MTFMT: variants seen among roughly 807,000 people sequenced by gnomAD.
MTFMT encodes the protein methionyl-tRNA formyltransferase, mitochondrial.
Under a neutral mutation model 51.8 loss-of-function variants are expected in MTFMT, and 47 were observed. That is an observed-to-expected ratio of 0.91 (90% confidence interval 0.72 to 1.16). The LOEUF (loss-of-function observed/expected upper bound fraction) is 1.16. Ranked by LOEUF, MTFMT falls within the 50% of genes most tolerant of loss-of-function variation. The pLI, the probability that MTFMT is intolerant of heterozygous loss-of-function variation, is 0.00. For synonymous variants in MTFMT, 196 were observed against 176.7 expected (o/e 1.11, Z -0.87); for missense variants, 512 against 482.3 (o/e 1.06, Z -0.58).
intron 4 of MTFMT, 68 bp from the exon 5 acceptor site, chr15:65,020,340 A>T: frequency 8.0e-7 from 1 of 1,257,590 alleles, no homozygotes; most frequent in African/African-American, 1.5e-5. Flanking sequence ...GAAACACATT[A>T]CAATTCAGCA....
intron 8 of MTFMT, among the ~76,000 whole-genome samples, chr15:65,004,427 A>T (rs1217737538): frequency 6.6e-6 from 1 of 152,200 alleles, no homozygotes; most frequent in African/African-American, 2.4e-5. Context: ...CTTATAAAAC[A>T]ATAATGATTC....
intron 6 of MTFMT, among the ~76,000 whole-genome samples, chr15:65,015,258 CCTGATGCCATT>C (rs2086310135): frequency 6.6e-6 from 1 of 152,058 alleles, no homozygotes; most frequent in African/African-American, 2.4e-5. Context: ...GTCCTTGTTT[CCTGATGCCATT>C]CTGTGGCAGC....
chr15:65,022,944 C>G (rs564178971), intron 3 of MTFMT, among the ~76,000 whole-genome samples: 19 of 152,172 alleles, frequency 1.2e-4, no homozygotes, highest in African/African-American at 4.3e-4. Context: ...CCCACCTCGG[C>G]CTCCCAAAGT....
chr15:65,028,139 G>A (rs73473246), intron 1 of MTFMT, among the ~76,000 whole-genome samples: 10,364 of 152,152 alleles, frequency 0.068, 852 homozygotes, highest in African/African-American at 0.2. Context: ...ATCAGGATAG[G>A]CCAGGAATGA....
chr15:65,012,858 T>G (rs2086282604), intron 6 of MTFMT, among the ~76,000 whole-genome samples: 1 of 152,204 alleles, frequency 6.6e-6, no homozygotes, highest in South Asian at 2.1e-4. Flanking sequence ...GTATACATTT[T>G]AGGAGCAGCT....
At chr15:65,003,514 TATAA>T (rs1405914730) in intron 8 of MTFMT, among the ~76,000 whole-genome samples, 4 of 152,118 alleles carry the variant, frequency 2.6e-5, no homozygotes, top group African/African-American at 9.7e-5. Context: ...TATAGATCTG[TATAA>T]ATATTTAAAT....
At chr15:65,006,266 G>T in intron 6 of MTFMT, 75 bp from the exon 7 acceptor site, 3 of 1,146,872 alleles carry the variant, frequency 2.6e-6, no homozygotes, top group Non-Finnish European at 3.8e-6. Flanking sequence ...ACTATTTTGT[G>T]TTAATCTGGA....
At chr15:65,004,263 C>T (rs1055663544) in intron 8 of MTFMT, among the ~76,000 whole-genome samples, 6 of 151,992 alleles carry the variant, frequency 3.9e-5, no homozygotes, top group African/African-American at 1.5e-4. Flanking sequence ...GTGATCCACC[C>T]GCCTCAGCCT....
intron 6 of MTFMT, among the ~76,000 whole-genome samples, chr15:65,008,096 C>T (rs2086233853): frequency 1.3e-5 from 2 of 151,976 alleles, no homozygotes; most frequent in African/African-American, 4.8e-5. Flanking sequence ...ATCCTTGATC[C>T]ATCTATATTT....
chr15:65,029,190 G>A, intron 1 of MTFMT: 1 of 854,172 alleles, frequency 1.2e-6, no homozygotes, highest in Non-Finnish European at 1.4e-6. Context: ...AGGCGGCGGG[G>A]AGTGAGGGGC....
intron 6 of MTFMT, among the ~76,000 whole-genome samples, chr15:65,007,112 G>A (rs910940904): frequency 1.7e-4 from 26 of 152,266 alleles, no homozygotes; most frequent in African/African-American, 6.0e-4. Context: ...GCCTTATGCA[G>A]GGGAAGAGCC....
Position 65,020,282 on chromosome 15 carries a change from A to C in MTFMT, c.646-10T>G, listed in dbSNP as rs754292264. ...TCAAAACTGAAATGAGCTACAAAAAAAAAAAAAAGAGTGTGATATATTCAA... is the reference window on the plus strand; with the variant it reads ...TCAAAACTGAAATGAGCTACAAAAACAAAAAAAAGAGTGTGATATATTCAA... On this transcript the variant is annotated splice_polypyrimidine_tract_variant and intron_variant, in intron 4 of 8. Transcript: ENST00000220058. 6.2e-7 allele frequency: 1 copy of C among 1,608,518 alleles called. No individual in the cohort carries two copies. The highest frequency in any genetic ancestry group is 2.2e-5 in the East Asian group (1 of 44,854).
intron 1 of MTFMT, 131 bp downstream of exon 1, chr15:65,029,274 G>A: frequency 7.8e-7 from 1 of 1,289,280 alleles, no homozygotes; most frequent in Non-Finnish European, 9.8e-7. Flanking sequence ...AGAAGACGCC[G>A]AGATCTGGGC....
chr15:65,008,686 G>T (rs886767615), intron 6 of MTFMT, among the ~76,000 whole-genome samples: 30 of 152,182 alleles, frequency 2.0e-4, no homozygotes, highest in African/African-American at 5.8e-4. Flanking sequence ...ATAAGTAAAT[G>T]AATTTGAAGA....
chr15:65,024,794 T>C (rs1412395971), intron 2 of MTFMT, among the ~76,000 whole-genome samples: 1 of 152,096 alleles, frequency 6.6e-6, no homozygotes, highest in Non-Finnish European at 1.5e-5. Context: ...TGCTGAGGGC[T>C]ATGGAGAAAA....
chr15:65,024,988 C>T (rs912110696), intron 2 of MTFMT, among the ~76,000 whole-genome samples: 1 of 151,212 alleles, frequency 6.6e-6, no homozygotes. Context: ...GGTAAATGCT[C>T]GGCAAATTCA....
chr15:65,004,773 G>T, intron 8 of MTFMT, 81 bp downstream of exon 8: 1 of 891,412 alleles, frequency 1.1e-6, no homozygotes, highest in African/African-American at 1.7e-5. Context: ...GTTAAGTGAA[G>T]TTCCAACTAA....
At chr15:65,018,084 T>C (rs1194657128) in intron 5 of MTFMT, among the ~76,000 whole-genome samples, 17 of 152,104 alleles carry the variant, frequency 1.1e-4, no homozygotes, top group Admixed American at 1.1e-3. Flanking sequence ...TTTAAGCTGT[T>C]TTAACTTTTG....
At position 65,009,005 on chromosome 15, in the gene MTFMT, C is replaced by G. The variant is rs577344912; in HGVS notation, c.814-2814G>C. On this transcript the variant is annotated intron_variant, in intron 6 of 8. Transcript: ENST00000220058. Reference sequence around the variant, plus strand: ...ATATAATCATTTTGGTGTCTGCCATCATTACTGCCAAAATAGTATGTTTGC... The same window carrying G: ...ATATAATCATTTTGGTGTCTGCCATGATTACTGCCAAAATAGTATGTTTGC... Among the ~76,000 whole-genome samples the G allele has an allele frequency of 7.7e-4, 118 of 152,282 alleles. 1 individual carries two copies. The highest frequency in any genetic ancestry group is 2.8e-3 in the African/African-American group (117 of 41,550).
Sources: allele counts gnomAD v4.1 joint callset (sites outside exome capture counted in the v4.1 genomes callset), GRCh38; gene constraint gnomAD v4.1.1; transcripts MANE v1.5; gene names NCBI Gene and HGNC (gene_info 2026-07-23, HGNC 2026-07-21).